TMEM267: variants seen among roughly 807,000 people sequenced by gnomAD.
The protein encoded by TMEM267 is transmembrane protein 267.
TMEM267 carries 20 observed loss-of-function variants against 19.3 expected under a neutral mutation model. The observed-to-expected ratio is 1.04, with a 90% confidence interval of 0.73 to 1.51. The LOEUF is 1.51. TMEM267 is among the 40% of genes most tolerant of loss of function. TMEM267 has a pLI of 0.00. For missense variants in TMEM267, 242 were observed against 261.9 expected (o/e 0.92, Z 0.52); for synonymous variants, 88 against 90.3 (o/e 0.97, Z 0.15).
intron 1 of TMEM267, among the ~76,000 whole-genome samples, chr5:43,470,862 CTA>C (rs1744025920): frequency 6.6e-6 from 1 of 151,972 alleles, no homozygotes; most frequent in South Asian, 2.1e-4. Flanking sequence ...GACAAGAAAA[CTA>C]TTAAAACTAT....
At chr5:43,455,618 G>A (rs1012732005) in intron 1 of TMEM267, among the ~76,000 whole-genome samples, 18 of 152,044 alleles carry the variant, frequency 1.2e-4, no homozygotes, top group Non-Finnish European at 2.4e-4. Context: ...TGTGATCTTG[G>A]CTCGCTGCAA....
chr5:43,459,963 T>C (rs928496475), intron 1 of TMEM267, among the ~76,000 whole-genome samples: 2 of 152,214 alleles, frequency 1.3e-5, no homozygotes, highest in African/African-American at 2.4e-5. Flanking sequence ...CAACTCAACA[T>C]AATGTAGAAT....
chr5:43,467,366 C>A (rs1043577642), intron 1 of TMEM267, among the ~76,000 whole-genome samples: 14 of 151,944 alleles, frequency 9.2e-5, no homozygotes, highest in Non-Finnish European at 1.6e-4. Flanking sequence ...TAAAGACACA[C>A]ATAGACTGAA....
At position 43,446,516 on chromosome 5, in the gene TMEM267, A is replaced by G. The variant is rs1388176590; in HGVS notation, c.354T>C (p.Ser118=). 3 of 1,613,708 alleles carry G rather than the reference A, an allele frequency of 1.9e-6. No homozygotes were observed. Among genetic ancestry groups the G allele is most frequent in the African/African-American group, 2.7e-5 (2 of 74,928 alleles). The part of the protein sequence containing the change: ...TLPRRPFLHC[S]TVIPVVVLTL... Reference sequence around the variant, plus strand: ...TCAGAACCACAACGGGAATCACAGTAGAACAGTGAAGGAAAGGTCTTCGCG... The same window carrying G: ...TCAGAACCACAACGGGAATCACAGTGGAACAGTGAAGGAAAGGTCTTCGCG... The change falls in exon 3 of 3, where the codon TCT becomes TCC. Residue 118 remains serine (S), a synonymous_variant. Coordinates refer to ENST00000397080, the MANE Select transcript of TMEM267 (RefSeq NM_022483.5).
At chr5:43,478,634 CAGAG>C (rs1744575529) in intron 1 of TMEM267, among the ~76,000 whole-genome samples, 1 of 152,016 alleles carries the variant, frequency 6.6e-6, no homozygotes, top group Non-Finnish European at 1.5e-5. Context: ...ACATTTATGA[CAGAG>C]AAAGATTAGT....
At chr5:43,472,663 C>T (rs1328317737) in intron 1 of TMEM267, among the ~76,000 whole-genome samples, 1 of 152,146 alleles carries the variant, frequency 6.6e-6, no homozygotes, top group African/African-American at 2.4e-5. Context: ...AACTGGAGAA[C>T]ATTTTGCTAA....
At chr5:43,469,509 C>T (rs1743937598) in intron 1 of TMEM267, among the ~76,000 whole-genome samples, 1 of 152,116 alleles carries the variant, frequency 6.6e-6, no homozygotes, top group Admixed American at 6.5e-5. Context: ...AGGACACAAA[C>T]CATATGATCA....
At chr5:43,484,265 AGCTT>A (rs1270397484), upstream of TMEM267, 2 of 152,204 alleles carry the variant, frequency 1.3e-5, no homozygotes, top group Non-Finnish European at 2.9e-5. Flanking sequence ...TACTACCAGA[AGCTT>A]GAGCTGGGAG....
chr5:43,477,800 A>T (rs187865851), intron 1 of TMEM267, among the ~76,000 whole-genome samples: 2 of 152,308 alleles, frequency 1.3e-5, no homozygotes, highest in East Asian at 3.9e-4. Flanking sequence ...GAGGTAAAGT[A>T]TGTGTCTGAT....
chr5:43,461,729 A>G (rs1339232634), intron 1 of TMEM267, among the ~76,000 whole-genome samples: 3 of 152,206 alleles, frequency 2.0e-5, no homozygotes, highest in African/African-American at 7.2e-5. Context: ...AAAAGTGGGA[A>G]GGACTGCATC....
At chr5:43,448,645 G>A (rs1242468099) in intron 2 of TMEM267, among the ~76,000 whole-genome samples, 1 of 151,994 alleles carries the variant, frequency 6.6e-6, no homozygotes, top group Non-Finnish European at 1.5e-5. Flanking sequence ...GCATGGTGGT[G>A]CATGCCTGTA....
At chr5:43,447,833 T>C (rs1465510882) in intron 2 of TMEM267, among the ~76,000 whole-genome samples, 1 of 152,152 alleles carries the variant, frequency 6.6e-6, no homozygotes, top group African/African-American at 2.4e-5. Flanking sequence ...TCAGTTTAAG[T>C]GTGAAAATAC....
At chr5:43,481,999 C>T (rs1256322749) in intron 1 of TMEM267, among the ~76,000 whole-genome samples, 7 of 152,138 alleles carry the variant, frequency 4.6e-5, no homozygotes, top group African/African-American at 1.7e-4. Flanking sequence ...CCCGCCACCA[C>T]GCCCGGCTAA....
intron 1 of TMEM267, among the ~76,000 whole-genome samples, chr5:43,481,573 C>T (rs1411365076): frequency 6.6e-6 from 1 of 152,006 alleles, no homozygotes; most frequent in African/African-American, 2.4e-5. Context: ...AACTGTATCA[C>T]GGTTTACGAA....
rs67848213 is a variant in TMEM267, at chr5:43,476,508, C to CTTTTTTTTTTT, written c.-75+7303_-75+7313dup. On this transcript the variant is annotated intron_variant, in intron 1 of 2. Coordinates refer to ENST00000397080, the MANE Select transcript of TMEM267 (RefSeq NM_022483.5). Reference sequence around the variant, plus strand: ...ATCCTAACTGATACAAAAGCCAGACCTTTTTTTTTTTTTTTTTTTTTTTTT... The same window carrying CTTTTTTTTTTT: ...ATCCTAACTGATACAAAAGCCAGACCTTTTTTTTTTTTTTTTTTTTTTTTTTTTTTTTTTTT... Among the ~76,000 whole-genome samples, 61 of 54,828 alleles carry CTTTTTTTTTTT rather than the reference C, an allele frequency of 1.1e-3. 4 individuals carry two copies. Among genetic ancestry groups the CTTTTTTTTTTT allele is most frequent in the African/African-American group, 1.9e-3 (24 of 12,830 alleles). 36.0% of individuals were successfully genotyped at this position (54,828 alleles called of 152,430 possible). A position where few individuals can be genotyped will look rare whatever the true frequency, so the allele number is the denominator to read the frequency against.
intron 2 of TMEM267, among the ~76,000 whole-genome samples, chr5:43,452,205 A>C (rs1742642371): frequency 6.6e-6 from 1 of 152,190 alleles, no homozygotes; most frequent in South Asian, 2.1e-4. Flanking sequence ...AGTGTCCTTC[A>C]GTGGATGACT....
chr5:43,455,640 T>C (rs1482683056), intron 1 of TMEM267, among the ~76,000 whole-genome samples: 2 of 152,068 alleles, frequency 1.3e-5, no homozygotes, highest in African/African-American at 2.4e-5. Flanking sequence ...CTCTGCCTCC[T>C]GGGTTCAAGC....
chr5:43,449,987 GTTTT>G (rs1182289505), intron 2 of TMEM267, among the ~76,000 whole-genome samples: 1 of 142,998 alleles, frequency 7.0e-6, no homozygotes, highest in South Asian at 2.2e-4. Context: ...TCAATGTAGC[GTTTT>G]TTTTTTTGTT....
At chr5:43,460,156 A>C (rs1254279160) in intron 1 of TMEM267, among the ~76,000 whole-genome samples, 1 of 152,166 alleles carries the variant, frequency 6.6e-6, no homozygotes, top group Non-Finnish European at 1.5e-5. Context: ...ATCTGAAAGG[A>C]GGTGGAGCTC....
Sources: gnomAD v4.1 joint callset for allele counts (sites outside exome capture counted in the v4.1 genomes callset) on GRCh38, gnomAD v4.1.1 for gene constraint, MANE v1.5 for transcripts, NCBI Gene and HGNC (gene_info 2026-07-23, HGNC 2026-07-21) for gene names.